The following MYRIP variants were observed in gnomAD, a reference collection of about 807,000 sequenced individuals.
MYRIP encodes rab effector MyRIP.
MYRIP carries 49 observed loss-of-function variants against 98.0 expected under a neutral mutation model. That is an observed-to-expected ratio of 0.50 (90% CI 0.40 to 0.63). The LOEUF (loss-of-function observed/expected upper bound fraction) is 0.63, where lower values mean the gene tolerates loss of function less well. Ranked by LOEUF, MYRIP falls within the 30% of genes least tolerant of loss-of-function variation. MYRIP has a pLI of 0.00. For missense variants in MYRIP, 1,004 were observed against 1,058.2 expected, an observed-to-expected ratio of 0.95 and a Z score of 0.71; for synonymous variants, 404 against 409.5, an observed-to-expected ratio of 0.99 and a Z score of 0.16.
intron 16 of MYRIP, among the ~76,000 whole-genome samples, chr3:40,252,728 A>C (rs1953415355): frequency 6.6e-6 from 1 of 152,224 alleles, no homozygotes; most frequent in African/African-American, 2.4e-5. Context: ...TCACAAGCCT[A>C]CCAAGCCTGT....
intron 1 of MYRIP, among the ~76,000 whole-genome samples, chr3:39,870,721 AG>A (rs1302996666): frequency 1.3e-5 from 2 of 152,190 alleles, no homozygotes; most frequent in African/African-American, 4.8e-5. Context: ...CTTTCTCTGT[AG>A]TTAACTTGTG....
chr3:39,887,627 A>G (rs1359100334), intron 1 of MYRIP, among the ~76,000 whole-genome samples: 1 of 152,162 alleles, frequency 6.6e-6, no homozygotes, highest in Non-Finnish European at 1.5e-5. Context: ...CAAGACAGGG[A>G]TGCCCTCTCT....
intron 8 of MYRIP, among the ~76,000 whole-genome samples, chr3:40,178,925 C>T (rs1950826970): frequency 6.6e-6 from 1 of 152,150 alleles, no homozygotes; most frequent in Non-Finnish European, 1.5e-5. Flanking sequence ...CCTGCAGCCC[C>T]CTTGCATAGA....
intron 2 of MYRIP, among the ~76,000 whole-genome samples, chr3:39,912,373 A>G (rs1175353572): frequency 6.6e-6 from 1 of 152,220 alleles, no homozygotes; most frequent in Non-Finnish European, 1.5e-5. Context: ...CAAATAATTA[A>G]GTGATAAAAA....
chr3:39,830,416 C>T (rs1297316545), intron 1 of MYRIP, among the ~76,000 whole-genome samples: 2 of 152,186 alleles, frequency 1.3e-5, no homozygotes, highest in African/African-American at 4.8e-5. Context: ...CTCTTATTCT[C>T]TTCATTGATG....
At chr3:40,172,818 G>T (rs999062315) in intron 8 of MYRIP, among the ~76,000 whole-genome samples, 1 of 152,160 alleles carries the variant, frequency 6.6e-6, no homozygotes, top group African/African-American at 2.4e-5. Context: ...TCTCTTCTAA[G>T]ATATCAACTC....
At chr3:39,823,218 T>A (rs1418204158) in intron 1 of MYRIP, among the ~76,000 whole-genome samples, 1 of 152,050 alleles carries the variant, frequency 6.6e-6, no homozygotes, top group Non-Finnish European at 1.5e-5. Context: ...TGGGGTTTTG[T>A]CATGTTCCCC....
chr3:40,097,684 G>A (rs1251128144), intron 3 of MYRIP, among the ~76,000 whole-genome samples: 1 of 152,166 alleles, frequency 6.6e-6, no homozygotes, highest in African/African-American at 2.4e-5. Context: ...AAATGTGCAC[G>A]ATTTCCATTC....
chr3:40,131,181 G>A (rs1285885950), intron 3 of MYRIP, among the ~76,000 whole-genome samples: 1 of 152,146 alleles, frequency 6.6e-6, no homozygotes, highest in Non-Finnish European at 1.5e-5. Context: ...TTCTGTTAGT[G>A]ATTTCTATAC....
chr3:39,879,933 T>G (rs1016080909), intron 1 of MYRIP, among the ~76,000 whole-genome samples: 1 of 152,218 alleles, frequency 6.6e-6, no homozygotes, highest in Admixed American at 6.5e-5. Flanking sequence ...AACACTGAAC[T>G]TCATTCTCTG....
At chr3:40,142,678 C>T (rs901716659) in intron 3 of MYRIP, among the ~76,000 whole-genome samples, 4 of 152,044 alleles carry the variant, frequency 2.6e-5, no homozygotes, top group African/African-American at 9.7e-5. Flanking sequence ...AGTCTGGTCT[C>T]GAACTCCTAG....
At chr3:39,937,521 G>T (rs1944681680) in intron 2 of MYRIP, among the ~76,000 whole-genome samples, 1 of 152,234 alleles carries the variant, frequency 6.6e-6, no homozygotes, top group Admixed American at 6.5e-5. Context: ...GTATATTTGA[G>T]GCCTGTCATC....
chr3:39,861,691 A>G (rs910227185), intron 1 of MYRIP, among the ~76,000 whole-genome samples: 23 of 152,330 alleles, frequency 1.5e-4, no homozygotes, highest in African/African-American at 5.5e-4. Context: ...TAAGAATTTC[A>G]GAATACAATC....
At position 40,190,170 on chromosome 3, in the gene MYRIP, T is replaced by C. The variant is rs917592220; in HGVS notation, c.1372T>C (p.Ser458Pro). 6.2e-7 allele frequency: 1 copy of C among 1,614,026 alleles called. No homozygotes were observed. The highest frequency in any genetic ancestry group is 8.5e-7 in the Non-Finnish European group (1 of 1,179,984). The stretch of plus-strand genomic sequence containing the variant: ...GGCCATGTGCTCTGACTCGGAGACC[T>C]CCTCCGCAGGCTCTTCCCGAGAAGT... The part of the protein sequence containing the change: ...PEAMCSDSET[S>P]SAGSSREVGH... The change falls in exon 10 of 17, where the codon TCC becomes CCC. Residue 458 changes from serine (S) to proline (P), a missense_variant. Physicochemically the swap from Ser to Pro is moderately conservative, Grantham distance 74. This residue lies in a region of MYRIP where 880 missense variants were observed against 907.7 expected (regional missense o/e 0.97). Coordinates refer to ENST00000302541, the MANE Select transcript of MYRIP (RefSeq NM_015460.4).
intron 3 of MYRIP, among the ~76,000 whole-genome samples, chr3:40,131,192 T>C (rs1180551177): frequency 6.6e-6 from 1 of 152,240 alleles, no homozygotes; most frequent in African/African-American, 2.4e-5. Context: ...ATTTCTATAC[T>C]AGGGTATAGT....
chr3:39,915,994 A>G (rs1278783310), intron 2 of MYRIP, among the ~76,000 whole-genome samples: 2 of 152,032 alleles, frequency 1.3e-5, no homozygotes, highest in African/African-American at 2.4e-5. Flanking sequence ...AGACTATGCT[A>G]ATAGCCAGAA....
chr3:40,071,166 C>T (rs1948216760), intron 3 of MYRIP: 1 of 985,478 alleles, frequency 1.0e-6, no homozygotes, highest in Non-Finnish European at 1.2e-6. Context: ...CTTGTTCTGA[C>T]CTGACTTGTT....
chr3:40,191,625 G>T (rs757193478), intron 10 of MYRIP, among the ~76,000 whole-genome samples: 5 of 152,160 alleles, frequency 3.3e-5, no homozygotes, highest in Non-Finnish European at 7.4e-5. Context: ...TCAAGTCATA[G>T]AATTTGGTAT....
chr3:39,902,722 T>C (rs556297485), intron 2 of MYRIP, among the ~76,000 whole-genome samples: 1 of 152,226 alleles, frequency 6.6e-6, no homozygotes, highest in African/African-American at 2.4e-5. Context: ...CCTTGTTTAA[T>C]GTCCTTTTCT....
Sources: gnomAD v4.1 joint callset for allele counts (sites outside exome capture counted in the v4.1 genomes callset) on GRCh38, gnomAD v4.1.1 for gene constraint, gnomAD v4.1.1 regional missense constraint, MANE v1.5 for transcripts, NCBI Gene and HGNC (gene_info 2026-07-23, HGNC 2026-07-21) for gene names.